Variants in FRG1 observed in about 807,000 individuals in gnomAD.
The protein encoded by FRG1 is protein FRG1.
Under a neutral mutation model 37.0 loss-of-function variants are expected in FRG1, and 19 were observed. The ratio of observed to expected loss-of-function variants is 0.51; its 90% CI spans 0.36 to 0.75. The LOEUF (loss-of-function observed/expected upper bound fraction) is 0.75. Ranked by LOEUF, FRG1 falls within the 30% of genes least tolerant of loss-of-function variation. The pLI is 0.00. For missense variants in FRG1, 243 were observed against 301.4 expected (o/e 0.81, Z 1.44); for synonymous variants, 73 against 96.5 (o/e 0.76, Z 1.43).
rs1194530797 is a variant in FRG1, at chr4:189,962,008, A to C, written c.740+76A>C. 1.3e-5 allele frequency: 10 copies of C among 763,170 alleles called. No individual in the cohort carries two copies. In the East Asian group the frequency reaches 2.7e-4, roughly 21 times the overall value. 47.3% of individuals were successfully genotyped at this position (763,170 alleles called of 1,614,324 possible). The stretch of plus-strand genomic sequence containing the variant: ...GCATGTAGAAAACCTACATTCTCTT[A>C]AATTACTGTAGTTTTTCACATTTTT... On this transcript the variant is annotated intron_variant, in intron 8 of 8. Coordinates refer to ENST00000226798, the MANE Select transcript of FRG1 (RefSeq NM_004477.3).
At chr4:189,942,378 C>T (rs1277973928) in intron 1 of FRG1, among the ~76,000 whole-genome samples, 1 of 152,126 alleles carries the variant, frequency 6.6e-6, no homozygotes, top group Non-Finnish European at 1.5e-5. Flanking sequence ...GCAGTCACAT[C>T]CCATCCTCCC....
At chr4:189,962,266 G>T (rs1038446119) in intron 8 of FRG1, among the ~76,000 whole-genome samples, 1 of 152,150 alleles carries the variant, frequency 6.6e-6, no homozygotes, top group African/African-American at 2.4e-5. Flanking sequence ...TTCTGTTAGA[G>T]TAGTTCAGGT....
In FRG1 at chr4:189,940,938, C is replaced by T. The variant is rs545205390; in HGVS notation, c.-72C>T. The T allele has an allele frequency of 7.3e-6, 9 of 1,232,870 alleles. No homozygotes were observed. The highest frequency in any genetic ancestry group is 1.2e-5 in the South Asian group (1 of 80,672). 76.4% of individuals were successfully genotyped at this position (1,232,870 alleles called of 1,614,324 possible). A position where few individuals can be genotyped will look rare whatever the true frequency, so the allele number is the denominator to read the frequency against. On this transcript the variant is annotated 5_prime_UTR_variant, in exon 1 of 9. Transcript: ENST00000226798. ...GCGTCCGCTTCTGTTTCTCCGCGCCCCTGTGCTGCCCCGACTCACATACTC... is the reference window on the plus strand; with the variant it reads ...GCGTCCGCTTCTGTTTCTCCGCGCCTCTGTGCTGCCCCGACTCACATACTC...
At chr4:189,947,873 C>G (rs1264237599) in intron 2 of FRG1, among the ~76,000 whole-genome samples, 1 of 152,230 alleles carries the variant, frequency 6.6e-6, no homozygotes, top group Non-Finnish European at 1.5e-5. Flanking sequence ...AGGTCTCTAC[C>G]TCTCTCCGTG....
At chr4:189,947,388 T>G (rs1271922925) in intron 2 of FRG1, among the ~76,000 whole-genome samples, 1 of 152,226 alleles carries the variant, frequency 6.6e-6, no homozygotes, top group Non-Finnish European at 1.5e-5. Context: ...TTCATAACAT[T>G]TTAACCTTAT....
Position 189,940,960 on chromosome 4 carries a change from A to C in FRG1, c.-50A>C, listed in dbSNP as rs1484844724. On this transcript the variant is annotated 5_prime_UTR_variant, in exon 1 of 9. Coordinates refer to ENST00000226798, the MANE Select transcript of FRG1 (RefSeq NM_004477.3). The stretch of plus-strand genomic sequence containing the variant: ...GCCCCTGTGCTGCCCCGACTCACAT[A>C]CTCGTCCAGAACCGGCCTCAGCCTC... 6.7e-7 allele frequency: 1 copy of C among 1,495,212 alleles called. No homozygotes were observed. The highest frequency in any genetic ancestry group is 2.3e-5 in the East Asian group (1 of 44,154). 92.6% of individuals were successfully genotyped at this position (1,495,212 alleles called of 1,614,324 possible). A position where few individuals can be genotyped will look rare whatever the true frequency, so the allele number is the denominator to read the frequency against.
intron 2 of FRG1, among the ~76,000 whole-genome samples, chr4:189,946,955 T>A (rs1172691198): frequency 2.0e-5 from 3 of 152,076 alleles, no homozygotes; most frequent in Non-Finnish European, 4.4e-5. Flanking sequence ...CAGGTTCAAG[T>A]GAATCTCCTG....
chr4:189,960,550 G>A (rs1737183913), intron 6 of FRG1, among the ~76,000 whole-genome samples, 198 bp from the exon 7 acceptor site: 1 of 152,236 alleles, frequency 6.6e-6, no homozygotes, highest in African/African-American at 2.4e-5. Flanking sequence ...TGTGGAGGAA[G>A]CATGTGATAG....
At chr4:189,941,162 C>A in intron 1 of FRG1, 91 bp downstream of exon 1, 1 of 1,207,860 alleles carries the variant, frequency 8.3e-7, no homozygotes, top group Non-Finnish European at 1.2e-6. Flanking sequence ...GCGCGGAGAG[C>A]CGGCTTTGTG....
rs1736897955 is a variant in FRG1, at chr4:189,954,577, G to A, written c.318-460G>A. Among the ~76,000 whole-genome samples, 3 of 149,126 alleles carry A rather than the reference G, an allele frequency of 2.0e-5. No homozygotes were observed. The South Asian group carries it at 6.4e-4, about 32-fold the overall frequency. ...GCACTGTCCAACATGGCAGCAACTA[G>A]TCACATGTAGCTTTTTTCTTTTTTT... On this transcript the variant is annotated intron_variant, in intron 4 of 8. Coordinates refer to ENST00000226798, the MANE Select transcript of FRG1 (RefSeq NM_004477.3).
At position 189,962,132 on chromosome 4, in the gene FRG1, C is replaced by T. The variant is rs192289832; in HGVS notation, c.740+200C>T. 4.8e-3 allele frequency among the ~76,000 whole-genome samples: 724 copies of T among 152,150 alleles called. 4 individuals are homozygous for T. The highest frequency in any genetic ancestry group is 0.017 in the African/African-American group (689 of 41,496). Reference sequence around the variant, plus strand: ...TGAAAGAATATCTAAAAATTATAACCGATTCTAAGTATATACTTGAAGAAA... The same window carrying T: ...TGAAAGAATATCTAAAAATTATAACTGATTCTAAGTATATACTTGAAGAAA... On this transcript the variant is annotated intron_variant, in intron 8 of 8. Transcript: ENST00000226798.
chr4:189,949,614 C>T (rs1736668990), intron 2 of FRG1, among the ~76,000 whole-genome samples: 1 of 152,014 alleles, frequency 6.6e-6, no homozygotes, highest in South Asian at 2.1e-4. Flanking sequence ...ATTAAGTGTA[C>T]TTGGTCAATG....
chr4:189,945,946 A>C (rs1454933048), intron 2 of FRG1, among the ~76,000 whole-genome samples: 1 of 151,954 alleles, frequency 6.6e-6, no homozygotes, highest in African/African-American at 2.4e-5. Flanking sequence ...TTTTTAAGAG[A>C]TATTTTCAGA....
At chr4:189,945,703 G>A (rs991382117) in intron 2 of FRG1, among the ~76,000 whole-genome samples, 2 of 151,912 alleles carry the variant, frequency 1.3e-5, no homozygotes, top group African/African-American at 2.4e-5. Context: ...GGGAGATATT[G>A]GACTTTTGTA....
chr4:189,949,284 A>G (rs529779712), intron 2 of FRG1, among the ~76,000 whole-genome samples: 1 of 152,268 alleles, frequency 6.6e-6, no homozygotes, highest in East Asian at 1.9e-4. Context: ...GTATTATGTT[A>G]TGTTACTTTA....
intron 4 of FRG1, 32 bp downstream of exon 4, chr4:189,953,157 A>C: frequency 6.5e-7 from 1 of 1,534,048 alleles, no homozygotes. Flanking sequence ...ATTAGTAACC[A>C]GTTATTTTAA....
At chr4:189,946,719 T>C (rs894232955) in intron 2 of FRG1, among the ~76,000 whole-genome samples, 1 of 152,226 alleles carries the variant, frequency 6.6e-6, no homozygotes, top group Admixed American at 6.5e-5. Context: ...TACATAGAGA[T>C]ATTATAGGTA....
At chr4:189,942,524 A>C (rs906383267) in intron 1 of FRG1, among the ~76,000 whole-genome samples, 1 of 151,682 alleles carries the variant, frequency 6.6e-6, no homozygotes, top group African/African-American at 2.4e-5. Context: ...GAGGTTCATC[A>C]TTGTTGTAGC....
At chr4:189,956,079 AT>A (rs1736969729) in intron 5 of FRG1, among the ~76,000 whole-genome samples, 1 of 152,182 alleles carries the variant, frequency 6.6e-6, no homozygotes, top group African/African-American at 2.4e-5. Flanking sequence ...TGAGAAATGC[AT>A]TTTTACATTG....
Sources: allele counts gnomAD v4.1 joint callset (sites outside exome capture counted in the v4.1 genomes callset), GRCh38; gene constraint gnomAD v4.1.1; transcripts MANE v1.5; gene names NCBI Gene and HGNC (gene_info 2026-07-23, HGNC 2026-07-21).